Variants in RSRC1 observed in about 807,000 individuals in gnomAD.
The protein encoded by RSRC1 is serine/Arginine-related protein 53.
RSRC1 carries 39 observed loss-of-function variants against 49.1 expected under a neutral mutation model. That is an observed-to-expected ratio of 0.79 (90% CI 0.61 to 1.04). The LOEUF is 1.04. Among genes scored for constraint, RSRC1 ranks in the 50% least tolerant of loss-of-function variants. The pLI is 0.00. For missense variants in RSRC1, 388 were observed against 402.4 expected (o/e 0.96, Z 0.31); for synonymous variants, 143 against 130.8 (o/e 1.09, Z -0.63).
At position 158,126,092 on chromosome 3, in the gene RSRC1, A is replaced by G. The variant is rs183950324; in HGVS notation, c.320+2101A>G. ...TCAGTATATGTGTGTCTTTACATCT[A>G]AGGCACATCTTTTGTAAACAGCATA... is the stretch of plus-strand genomic sequence containing the variant. On this transcript the variant is annotated intron_variant, in intron 3 of 9. Transcript: ENST00000611884. 2.0e-4 allele frequency among the ~76,000 whole-genome samples: 31 copies of G among 152,120 alleles called. No homozygotes were observed. In the East Asian group the frequency reaches 4.2e-3, roughly 21 times the overall value.
chr3:158,436,411 AAT>A (rs145741354), intron 6 of RSRC1, among the ~76,000 whole-genome samples: 2 of 151,746 alleles, frequency 1.3e-5, no homozygotes, highest in Non-Finnish European at 2.9e-5. Context: ...AAACTTTAAA[AAT>A]ATATATATAT....
At chr3:158,312,440 T>C (rs1463038906) in intron 5 of RSRC1, among the ~76,000 whole-genome samples, 2 of 152,162 alleles carry the variant, frequency 1.3e-5, no homozygotes, top group African/African-American at 4.8e-5. Context: ...TCAGGAGAGA[T>C]GACTCTGTCC....
At chr3:158,117,370 C>T (rs1714903017) in intron 1 of RSRC1, among the ~76,000 whole-genome samples, 1 of 152,218 alleles carries the variant, frequency 6.6e-6, no homozygotes, top group Admixed American at 6.5e-5. Context: ...GATTGCAGCT[C>T]ACTGCAGCCT....
chr3:158,462,885 G>A (rs1439349844), intron 7 of RSRC1, among the ~76,000 whole-genome samples: 1 of 151,934 alleles, frequency 6.6e-6, no homozygotes, highest in African/African-American at 2.4e-5. Flanking sequence ...TGTTGAAAAA[G>A]CATATTCCTC....
intron 4 of RSRC1, among the ~76,000 whole-genome samples, chr3:158,254,118 G>GT (rs1470470409): frequency 6.6e-6 from 1 of 152,120 alleles, no homozygotes; most frequent in Non-Finnish European, 1.5e-5. Context: ...TGGCTGCATA[G>GT]TATTCCATGG....
chr3:158,432,221 T>C (rs929257860), intron 6 of RSRC1, among the ~76,000 whole-genome samples: 1 of 151,924 alleles, frequency 6.6e-6, no homozygotes, highest in African/African-American at 2.4e-5. Flanking sequence ...AAGAAAAAAT[T>C]AACTTTGAAT....
intron 3 of RSRC1, among the ~76,000 whole-genome samples, chr3:158,202,562 T>TTTTATATATATATATATATA (rs369404609): frequency 0.011 from 1,038 of 91,930 alleles, 115 homozygotes; most frequent in African/African-American, 0.022. Flanking sequence ...GTCTGGTAGA[T>TTTTATATATATATATATATA]TATATATATA....
At chr3:158,184,377 T>C (rs560754507) in intron 3 of RSRC1, among the ~76,000 whole-genome samples, 119 of 152,248 alleles carry the variant, frequency 7.8e-4, no homozygotes, top group Non-Finnish European at 1.9e-4. Context: ...TTTTCTTTCC[T>C]CTTGTCCCTG....
chr3:158,291,574 G>GA (rs1409153705), intron 4 of RSRC1, among the ~76,000 whole-genome samples: 1 of 152,154 alleles, frequency 6.6e-6, no homozygotes, highest in East Asian at 1.9e-4. Context: ...GGAATGATGA[G>GA]AAAAATTGTC....
chr3:158,532,152 A>T lies in RSRC1; in HGVS notation c.653-4940A>T, dbSNP rs548371410. 1.8e-4 allele frequency among the ~76,000 whole-genome samples: 28 copies of T among 152,008 alleles called. No individual in the cohort carries two copies. The Middle Eastern group carries it at 0.014, about 74-fold the overall frequency. The stretch of plus-strand genomic sequence containing the variant: ...TATATTTTTTTCCTGGAATAGTAAC[A>T]TAAGTAACTCAGTAACTGTGGGGCC... On this transcript the variant is annotated intron_variant, in intron 7 of 9. Transcript: ENST00000611884.
At chr3:158,183,275 G>A (rs1719735149) in intron 3 of RSRC1, among the ~76,000 whole-genome samples, 1 of 150,630 alleles carries the variant, frequency 6.6e-6, no homozygotes, top group Non-Finnish European at 1.5e-5. Flanking sequence ...ATAATAGATT[G>A]AATTTTAATT....
chr3:158,439,000 G>A (rs1004587261), intron 6 of RSRC1, among the ~76,000 whole-genome samples: 24 of 152,236 alleles, frequency 1.6e-4, no homozygotes, highest in African/African-American at 4.3e-4. Context: ...AAAAGTGGGC[G>A]AAGGATATGA....
At chr3:158,256,661 G>A (rs1400178804) in intron 4 of RSRC1, among the ~76,000 whole-genome samples, 3 of 152,104 alleles carry the variant, frequency 2.0e-5, no homozygotes, top group East Asian at 1.9e-4. Flanking sequence ...GCTACTCTTT[G>A]TACCTCTAGT....
Position 158,197,262 on chromosome 3 carries a change from C to G in RSRC1, c.321-5810C>G, listed in dbSNP as rs564383045. ...TATGTGTCGAGGAATTTATCCATTTCTTCTAGATTTTCTAGTTTATTTGCA... is the reference window on the plus strand; with the variant it reads ...TATGTGTCGAGGAATTTATCCATTTGTTCTAGATTTTCTAGTTTATTTGCA... On this transcript the variant is annotated intron_variant, in intron 3 of 9. Transcript: ENST00000611884. 4.5e-3 allele frequency among the ~76,000 whole-genome samples: 691 copies of G among 152,274 alleles called. 5 individuals carry two copies. The highest frequency in any genetic ancestry group is 0.016 in the African/African-American group (655 of 41,558).
chr3:158,446,570 TTTC>T (rs1180802065), intron 6 of RSRC1, among the ~76,000 whole-genome samples: 2 of 152,060 alleles, frequency 1.3e-5, no homozygotes, highest in African/African-American at 2.4e-5. Context: ...ATATATTGTG[TTTC>T]TTATTTATTT....
At chr3:158,145,060 A>G (rs1365430872) in intron 3 of RSRC1, among the ~76,000 whole-genome samples, 3 of 151,988 alleles carry the variant, frequency 2.0e-5, no homozygotes, top group East Asian at 3.9e-4. Context: ...GATTGCAAAC[A>G]TTTTCTCCCA....
At chr3:158,217,444 T>C (rs745934596) in intron 4 of RSRC1, among the ~76,000 whole-genome samples, 2 of 151,618 alleles carry the variant, frequency 1.3e-5, no homozygotes, top group Non-Finnish European at 3.0e-5. Flanking sequence ...GGTAGAAAAT[T>C]TGCTCACCAG....
Position 158,147,193 on chromosome 3 carries a change from ATCTC to A in RSRC1, c.320+23204_320+23207del, listed in dbSNP as rs1227433611. ...TTTACAAATGTGTACTTCACTTTAAATCTCTACCCGCTAAAAGGAAATTTTCTTA... is the reference window on the plus strand; with the variant it reads ...TTTACAAATGTGTACTTCACTTTAAATACCCGCTAAAAGGAAATTTTCTTA... On this transcript the variant is annotated intron_variant, in intron 3 of 9. Transcript: ENST00000611884. Among the ~76,000 whole-genome samples, 3 of 134,996 alleles carry A rather than the reference ATCTC, an allele frequency of 2.2e-5. No individual in the cohort carries two copies. The East Asian group carries it at 6.3e-4, about 28-fold the overall frequency. 88.6% of individuals were successfully genotyped at this position (134,996 alleles called of 152,430 possible).
intron 3 of RSRC1, among the ~76,000 whole-genome samples, chr3:158,183,039 C>T (rs182096486): frequency 3.6e-4 from 55 of 152,006 alleles, no homozygotes; most frequent in African/African-American, 1.3e-3. Context: ...ATGAATTTGC[C>T]AATTGTCACT....
Sources: allele counts gnomAD v4.1 joint callset (sites outside exome capture counted in the v4.1 genomes callset), GRCh38; gene constraint gnomAD v4.1.1; transcripts MANE v1.5; gene names NCBI Gene and HGNC (gene_info 2026-07-23, HGNC 2026-07-21).